Variants in WWOX observed in about 807,000 individuals in gnomAD.
The protein encoded by WWOX is WW domain containing oxidoreductase, also known as WW domain-containing oxidoreductase.
WWOX carries 69 observed loss-of-function variants against 46.2 expected under a neutral mutation model. That is an observed-to-expected ratio of 1.49 (90% CI 1.23 to 1.82). WWOX has a LOEUF of 1.82. Among genes scored for constraint, WWOX ranks in the 40% most tolerant of loss-of-function variants. The probability of loss-of-function intolerance (pLI) is 0.00; values close to 1 mark genes in which losing one functional copy is unlikely to be tolerated. For missense variants in WWOX, 919 were observed against 542.6 expected (o/e 1.69, Z -6.89); for synonymous variants, 359 against 202.6 (o/e 1.77, Z -6.56).
At position 79,136,528 on chromosome 16, in the gene WWOX, C is replaced by G. The variant is rs150781600; in HGVS notation, c.1057-75080C>G. 8.0e-3 allele frequency among the ~76,000 whole-genome samples: 1,211 copies of G among 152,158 alleles called. 17 individuals are homozygous for G. Among genetic ancestry groups the G allele is most frequent in the African/African-American group, 0.027 (1,116 of 41,520 alleles). On this transcript the variant is annotated intron_variant, in intron 8 of 8. Coordinates refer to ENST00000566780, the MANE Select transcript of WWOX (RefSeq NM_016373.4). ...ACAGGCGTGAGCTACCATGCCTGGCCCTGATGTCACTTCTTAGGCTAATTT... is the reference window on the plus strand; with the variant it reads ...ACAGGCGTGAGCTACCATGCCTGGCGCTGATGTCACTTCTTAGGCTAATTT...
intron 8 of WWOX, among the ~76,000 whole-genome samples, chr16:79,194,576 G>T (rs2051200980): frequency 6.6e-6 from 1 of 152,094 alleles, no homozygotes; most frequent in Non-Finnish European, 1.5e-5. Context: ...GCAGTGTGGG[G>T]CCTCACCTTA....
At chr16:78,117,359 C>A (rs905788855) in intron 4 of WWOX, among the ~76,000 whole-genome samples, 1 of 152,150 alleles carries the variant, frequency 6.6e-6, no homozygotes, top group African/African-American at 2.4e-5. Flanking sequence ...CAGGAATGGC[C>A]TTTAACACTG....
chr16:78,883,960 ATATAAG>A (rs1404386314), intron 8 of WWOX, among the ~76,000 whole-genome samples: 4 of 152,244 alleles, frequency 2.6e-5, no homozygotes, highest in Middle Eastern at 3.4e-3. Flanking sequence ...ATAGGATCAA[ATATAAG>A]TATATCTGAT....
At chr16:78,874,792 C>G (rs1408642243) in intron 8 of WWOX, among the ~76,000 whole-genome samples, 1 of 149,040 alleles carries the variant, frequency 6.7e-6, no homozygotes, top group Non-Finnish European at 1.5e-5. Context: ...CTACACAGGC[C>G]TTCTACATAG....
chr16:78,778,104 A>G lies in WWOX; in HGVS notation c.1056+345352A>G, dbSNP rs1324286161. Among the ~76,000 whole-genome samples, 7 of 151,568 alleles carry G rather than the reference A, an allele frequency of 4.6e-5. No homozygotes were observed. In the East Asian group the frequency reaches 7.8e-4, roughly 17 times the overall value. ...ATCTTTACTGTAGCTATGGCTGCCT[A>G]TCCCAAGGATGGGAAGTCTGAAGTT... On this transcript the variant is annotated intron_variant, in intron 8 of 8. Transcript: ENST00000566780.
At chr16:78,679,299 C>G (rs1485020239) in intron 8 of WWOX, among the ~76,000 whole-genome samples, 1 of 152,104 alleles carries the variant, frequency 6.6e-6, no homozygotes, top group Non-Finnish European at 1.5e-5. Flanking sequence ...GCCTGTAATC[C>G]CAGCACTTTG....
chr16:78,623,217 C>A (rs540115831), intron 8 of WWOX, among the ~76,000 whole-genome samples: 1 of 151,996 alleles, frequency 6.6e-6, no homozygotes, highest in Admixed American at 6.6e-5. Flanking sequence ...ATGTATGTGG[C>A]TTTAAGCTGT....
At chr16:78,966,373 A>G (rs975077659) in intron 8 of WWOX, among the ~76,000 whole-genome samples, 3 of 152,156 alleles carry the variant, frequency 2.0e-5, no homozygotes, top group African/African-American at 7.2e-5. Context: ...ATCTAAACAT[A>G]TTTGTAATCA....
intron 8 of WWOX, among the ~76,000 whole-genome samples, chr16:78,976,237 C>G (rs2151328409): frequency 6.6e-6 from 1 of 152,318 alleles, no homozygotes. Context: ...TTGCAAATCT[C>G]CCTGCACACT....
At chr16:78,777,368 G>A (rs1036593799) in intron 8 of WWOX, among the ~76,000 whole-genome samples, 7 of 152,192 alleles carry the variant, frequency 4.6e-5, no homozygotes, top group South Asian at 2.1e-4. Flanking sequence ...CACTTGAAAC[G>A]TGACTAGTAT....
chr16:78,856,762 C>T (rs2052576313), intron 8 of WWOX, among the ~76,000 whole-genome samples: 1 of 149,734 alleles, frequency 6.7e-6, no homozygotes, highest in Admixed American at 6.6e-5. Context: ...ATAGATTTAA[C>T]ACACATATTC....
intron 8 of WWOX, among the ~76,000 whole-genome samples, chr16:78,677,587 C>G (rs1401626448): frequency 6.6e-6 from 1 of 152,182 alleles, no homozygotes; most frequent in African/African-American, 2.4e-5. Context: ...CCCCAAAACT[C>G]CATGTTGTTT....
intron 5 of WWOX, among the ~76,000 whole-genome samples, chr16:78,299,218 CAGTG>C (rs1449250249): frequency 6.6e-6 from 1 of 152,140 alleles, no homozygotes; most frequent in Non-Finnish European, 1.5e-5. Flanking sequence ...GGCTATTACT[CAGTG>C]GGTGCCGTAA....
chr16:79,098,218 T>G (rs2049116268), intron 8 of WWOX, among the ~76,000 whole-genome samples: 1 of 151,644 alleles, frequency 6.6e-6, no homozygotes, highest in Non-Finnish European at 1.5e-5. Flanking sequence ...TTCATTTGAT[T>G]GCAGATTGAA....
At chr16:78,858,661 G>C (rs976942697) in intron 8 of WWOX, among the ~76,000 whole-genome samples, 29 of 151,882 alleles carry the variant, frequency 1.9e-4, no homozygotes, top group African/African-American at 7.0e-4. Flanking sequence ...TGTCATGTTT[G>C]AATTGTGTTC....
At chr16:78,255,771 A>C (rs2038112965) in intron 5 of WWOX, among the ~76,000 whole-genome samples, 1 of 152,106 alleles carries the variant, frequency 6.6e-6, no homozygotes, top group Non-Finnish European at 1.5e-5. Context: ...GTTCTTATAA[A>C]TCCATGTACT....
intron 8 of WWOX, among the ~76,000 whole-genome samples, chr16:78,466,831 G>C (rs949710786): frequency 6.6e-6 from 1 of 152,076 alleles, no homozygotes; most frequent in African/African-American, 2.4e-5. Flanking sequence ...GTGGGCAACA[G>C]AGCGAGACTC....
At chr16:78,196,251 AG>A (rs1255142760) in intron 5 of WWOX, among the ~76,000 whole-genome samples, 3 of 152,364 alleles carry the variant, frequency 2.0e-5, no homozygotes, top group Non-Finnish European at 4.4e-5. Context: ...CCATTAGTGA[AG>A]AAGGTAAGCC....
intron 5 of WWOX, among the ~76,000 whole-genome samples, chr16:78,370,625 G>A (rs2081654074): frequency 6.6e-6 from 1 of 151,712 alleles, no homozygotes; most frequent in African/African-American, 2.4e-5. Context: ...TTCTTATTGT[G>A]TCTATCTTTT....
Sources: allele counts gnomAD v4.1 joint callset (sites outside exome capture counted in the v4.1 genomes callset), GRCh38; gene constraint gnomAD v4.1.1; transcripts MANE v1.5; gene names NCBI Gene and HGNC (gene_info 2026-07-23, HGNC 2026-07-21).